ENTREP2: variants seen among roughly 807,000 people sequenced by gnomAD.
ENTREP2 encodes the protein protein ENTREP2.
the ENTREP2 span, among the ~76,000 whole-genome samples, chr15:29,242,553 G>C: frequency 1.3e-5 from 2 of 152,138 alleles, no homozygotes; most frequent in African/African-American, 4.8e-5. Context: ...CAGCATGTTT[G>C]CTTGAAATCC....
chr15:29,296,369 G>C, the ENTREP2 span, among the ~76,000 whole-genome samples: 19 of 152,228 alleles, frequency 1.2e-4, no homozygotes, highest in South Asian at 3.9e-3. Context: ...GAAGGGCTAA[G>C]AATGAATCTA....
At chr15:29,542,819 C>G in the ENTREP2 span, among the ~76,000 whole-genome samples, 6 of 152,226 alleles carry the variant, frequency 3.9e-5, no homozygotes, top group African/African-American at 1.4e-4. Flanking sequence ...AGTGGAATCA[C>G]ACAGTATTTG....
At chr15:29,462,188 T>G in the ENTREP2 span, among the ~76,000 whole-genome samples, 2 of 152,220 alleles carry the variant, frequency 1.3e-5, no homozygotes, top group East Asian at 3.8e-4. Flanking sequence ...TTTTAGCTAT[T>G]GTGAATCATG....
chr15:29,602,195 T>C, the ENTREP2 span, among the ~76,000 whole-genome samples: 1 of 152,202 alleles, frequency 6.6e-6, no homozygotes, highest in African/African-American at 2.4e-5. Context: ...GACCCATGAC[T>C]CAAGAAGTCA....
At chr15:29,562,543 G>C in the ENTREP2 span, among the ~76,000 whole-genome samples, 9 of 152,178 alleles carry the variant, frequency 5.9e-5, no homozygotes, top group Non-Finnish European at 1.0e-4. Context: ...GGGAATTTAA[G>C]AGAAGAGACA....
At chr15:29,219,428 TAAA>T in the ENTREP2 span, among the ~76,000 whole-genome samples, 1 of 151,592 alleles carries the variant, frequency 6.6e-6, no homozygotes, top group Non-Finnish European at 1.5e-5. Context: ...CTTAAAGAAG[TAAA>T]ATAGAACTAC....
the ENTREP2 span, among the ~76,000 whole-genome samples, chr15:29,236,438 G>A: frequency 6.6e-6 from 1 of 151,822 alleles, no homozygotes; most frequent in African/African-American, 2.4e-5. Context: ...TGGATTCCAG[G>A]AGTTCAAGAC....
chr15:29,319,139 C>A, the ENTREP2 span, among the ~76,000 whole-genome samples: 1 of 152,226 alleles, frequency 6.6e-6, no homozygotes, highest in African/African-American at 2.4e-5. Context: ...CCCTCACAAC[C>A]GCCATGGGTA....
At chr15:29,493,524 G>A in the ENTREP2 span, among the ~76,000 whole-genome samples, 1 of 152,146 alleles carries the variant, frequency 6.6e-6, no homozygotes, top group Non-Finnish European at 1.5e-5. Context: ...TTCTCAGGCA[G>A]AAGGATCACT....
chr15:29,656,062 G>A, the ENTREP2 span, among the ~76,000 whole-genome samples: 1 of 149,082 alleles, frequency 6.7e-6, no homozygotes, highest in African/African-American at 2.5e-5. Flanking sequence ...TAGGCCACAG[G>A]CATAACACTT....
At chr15:29,612,780 G>C in the ENTREP2 span, 1 of 177,052 alleles carries the variant, frequency 5.6e-6, no homozygotes, top group Non-Finnish European at 1.2e-5. Flanking sequence ...CAGAACCTGG[G>C]ATCATGGACT....
At chr15:29,455,164 T>C in the ENTREP2 span, among the ~76,000 whole-genome samples, 1 of 152,186 alleles carries the variant, frequency 6.6e-6, no homozygotes, top group East Asian at 1.9e-4. Context: ...GGGATGAGAC[T>C]ACAAAGCCCA....
At chr15:29,577,501 G>A in the ENTREP2 span, among the ~76,000 whole-genome samples, 4 of 151,930 alleles carry the variant, frequency 2.6e-5, no homozygotes, top group East Asian at 1.9e-4. Context: ...CTACAGGTGC[G>A]CACCACCGTG....
chr15:29,311,695 C>G, the ENTREP2 span, among the ~76,000 whole-genome samples: 11 of 151,040 alleles, frequency 7.3e-5, no homozygotes, highest in Non-Finnish European at 1.2e-4. Flanking sequence ...ATCCCCCCCC[C>G]AAAAAAAAGT....
chr15:29,283,494 A>G, the ENTREP2 span, among the ~76,000 whole-genome samples: 2 of 152,132 alleles, frequency 1.3e-5, no homozygotes, highest in African/African-American at 2.4e-5. Context: ...GATTACAGGC[A>G]TAAGCCATCA....
the ENTREP2 span, among the ~76,000 whole-genome samples, chr15:29,219,975 T>C: frequency 6.6e-6 from 1 of 151,836 alleles, no homozygotes; most frequent in African/African-American, 2.4e-5. Flanking sequence ...ATCCTACGCA[T>C]GCAACCAAAT....
At chr15:29,401,323 T>TAAAAAA in the ENTREP2 span, among the ~76,000 whole-genome samples, 1 of 152,028 alleles carries the variant, frequency 6.6e-6, no homozygotes, top group Non-Finnish European at 1.5e-5. Flanking sequence ...TATAAATTAA[T>TAAAAAA]AAAAGAAACA....
the ENTREP2 span, among the ~76,000 whole-genome samples, chr15:29,496,350 T>G: frequency 6.6e-6 from 1 of 151,716 alleles, no homozygotes. Context: ...CAGAAACAAT[T>G]TCCTCCTTCC....
At chr15:29,151,676 C>T in the ENTREP2 span, 168 of 1,339,684 alleles carry the variant, frequency 1.3e-4, 1 homozygote, top group African/African-American at 2.2e-3. Flanking sequence ...AAGCCAGAAG[C>T]GTCCACTCCT....
Sources: gnomAD v4.1 joint callset for allele counts (sites outside exome capture counted in the v4.1 genomes callset) on GRCh38, gnomAD v4.1.1 for gene constraint, MANE v1.5 for transcripts, NCBI Gene and HGNC (gene_info 2026-07-23, HGNC 2026-07-21) for gene names.